ADGRV1: variants seen among roughly 807,000 people sequenced by gnomAD.
ADGRV1 encodes G-protein coupled receptor 98.
In ADGRV1, 359 loss-of-function variants were observed where a neutral mutation model predicts 596.2. That is an observed-to-expected ratio of 0.60 (90% CI 0.55 to 0.66). The LOEUF is 0.66. Ranked by LOEUF, ADGRV1 falls within the 30% of genes least tolerant of loss-of-function variation. The pLI is 0.00. For synonymous variants in ADGRV1, 2,681 were observed against 2,679.2 expected (o/e 1.00, Z -0.02); for missense variants, 7,274 against 7,575.6 (o/e 0.96, Z 1.48).
chr5:91,082,629 A>G (rs1409910508), intron 86 of ADGRV1, among the ~76,000 whole-genome samples: 1 of 152,196 alleles, frequency 6.6e-6, no homozygotes, highest in Non-Finnish European at 1.5e-5. Context: ...TAAGATTTGT[A>G]TTCAGAAATA....
At chr5:90,683,134 T>C (rs1745159937) in intron 27 of ADGRV1, among the ~76,000 whole-genome samples, 1 of 152,238 alleles carries the variant, frequency 6.6e-6, no homozygotes, top group Non-Finnish European at 1.5e-5. Flanking sequence ...AAAATAGTTA[T>C]AATTTAAATA....
intron 87 of ADGRV1, 51 bp downstream of exon 87, chr5:91,102,391 CA>C: frequency 1.3e-6 from 2 of 1,481,852 alleles, no homozygotes; most frequent in Non-Finnish European, 1.8e-6. Flanking sequence ...TTAATGAACA[CA>C]AGGCATAGAA....
At chr5:90,636,205 C>T (rs967064459) in intron 10 of ADGRV1, among the ~76,000 whole-genome samples, 1 of 146,228 alleles carries the variant, frequency 6.8e-6, no homozygotes, top group African/African-American at 2.5e-5. Context: ...TTAGGGATGG[C>T]TCTTCCTTCA....
At chr5:90,671,465 C>T (rs1772455276) in intron 21 of ADGRV1, among the ~76,000 whole-genome samples, 1 of 152,146 alleles carries the variant, frequency 6.6e-6, no homozygotes, top group Non-Finnish European at 1.5e-5. Flanking sequence ...GTACTCGATC[C>T]TCTTTACCAT....
chr5:90,886,578 A>G (rs1581420943), intron 83 of ADGRV1, among the ~76,000 whole-genome samples: 1 of 152,210 alleles, frequency 6.6e-6, no homozygotes. Flanking sequence ...CCATTTTTGT[A>G]TACTTCGTGA....
chr5:90,559,260 C>T (rs10069574), intron 1 of ADGRV1, among the ~76,000 whole-genome samples: 9,101 of 152,172 alleles, frequency 0.06, 798 homozygotes, highest in African/African-American at 0.2. Flanking sequence ...GAAACCGGAA[C>T]CCTACCTAGC....
chr5:91,121,848 A>G (rs1011735715), intron 87 of ADGRV1, among the ~76,000 whole-genome samples: 1 of 152,014 alleles, frequency 6.6e-6, no homozygotes, highest in African/African-American at 2.4e-5. Context: ...GAGTTGAGCA[A>G]CTCTAAAGCC....
In ADGRV1 at chr5:90,615,064, G is replaced by A. The variant is rs1468372290; in HGVS notation, c.207+45G>A. ...CTATTTTTACTGAAATAGATATGAC[G>A]TTTCTTAGTTTTAATGGCAAGGATT... On this transcript the variant is annotated intron_variant, in intron 2 of 89. Coordinates refer to ENST00000405460, the MANE Select transcript of ADGRV1 (RefSeq NM_032119.4). 14 of 1,215,440 alleles carry A rather than the reference G, an allele frequency of 1.2e-5. No homozygotes were observed. The South Asian group carries it at 2.1e-4, about 18-fold the overall frequency. 75.3% of individuals were successfully genotyped at this position (1,215,440 alleles called of 1,614,324 possible).
chr5:90,712,474 G>GTTC, intron 42 of ADGRV1, 46 bp downstream of exon 42: 1 of 1,418,594 alleles, frequency 7.0e-7, no homozygotes, highest in Non-Finnish European at 9.7e-7. Flanking sequence ...TTCATGCTGG[G>GTTC]TTCCTTAATA....
chr5:90,822,532 C>T (rs181683211), intron 75 of ADGRV1, among the ~76,000 whole-genome samples: 4 of 152,042 alleles, frequency 2.6e-5, no homozygotes, highest in African/African-American at 9.7e-5. Flanking sequence ...GTTACTGTAG[C>T]CTTGTAGTAT....
In ADGRV1 at chr5:90,778,280, G is replaced by T. The variant is rs3107223; in HGVS notation, c.12667-147G>T. On this transcript the variant is annotated intron_variant, in intron 62 of 89. Coordinates refer to ENST00000405460, the MANE Select transcript of ADGRV1 (RefSeq NM_032119.4). ...GAGAAGGTTAATGTAACAGCATTTGGTATTGTGGAGGTGCCTGTGTATGGG... is the reference window on the plus strand; with the variant it reads ...GAGAAGGTTAATGTAACAGCATTTGTTATTGTGGAGGTGCCTGTGTATGGG... The T allele has an allele frequency of 0.13, 96,728 of 755,360 alleles. 14,761 individuals carry two copies. Among genetic ancestry groups the T allele is most frequent in the African/African-American group, 0.6 (34,239 of 56,790 alleles). The allele number at this position is 755,360 out of a possible 1,614,324, so 46.8% of individuals were successfully genotyped here. A position where few individuals can be genotyped will look rare whatever the true frequency, so the allele number is the denominator to read the frequency against.
At chr5:91,163,384 T>C (rs937234303) in intron 89 of ADGRV1, among the ~76,000 whole-genome samples, 2 of 152,204 alleles carry the variant, frequency 1.3e-5, no homozygotes, top group African/African-American at 4.8e-5. Flanking sequence ...TCAGTGCATA[T>C]GAATTCGGGG....
intron 75 of ADGRV1, among the ~76,000 whole-genome samples, chr5:90,816,949 A>G (rs1762957317): frequency 6.6e-6 from 1 of 152,004 alleles, no homozygotes; most frequent in Non-Finnish European, 1.5e-5. Flanking sequence ...GCTGGGTCAA[A>G]TGGTATTTCT....
At chr5:90,733,380 AG>A (rs1449096597) in intron 50 of ADGRV1, among the ~76,000 whole-genome samples, 1 of 152,200 alleles carries the variant, frequency 6.6e-6, no homozygotes, top group Non-Finnish European at 1.5e-5. Context: ...AACTAGAATC[AG>A]AAAGAAATTG....
chr5:91,080,743 G>A (rs185771362), intron 86 of ADGRV1, among the ~76,000 whole-genome samples: 143 of 152,076 alleles, frequency 9.4e-4, no homozygotes, highest in Admixed American at 2.3e-3. Flanking sequence ...TGTAATGCAG[G>A]TGTAATAACA....
chr5:90,811,345 C>G lies in ADGRV1; in HGVS notation c.16078+7C>G. ...GCCATGGTTATTATTACAGGTATAT[C>G]TTTGAAATGATGGAGATAAAAATAT... is the stretch of plus-strand genomic sequence containing the variant. On this transcript the variant is annotated splice_region_variant and intron_variant, in intron 74 of 89. Coordinates refer to ENST00000405460, the MANE Select transcript of ADGRV1 (RefSeq NM_032119.4). The G allele has an allele frequency of 6.4e-7, 1 of 1,567,176 alleles. No individual in the cohort carries two copies.
chr5:90,973,128 T>C (rs1166373793), intron 84 of ADGRV1, among the ~76,000 whole-genome samples: 1 of 152,088 alleles, frequency 6.6e-6, no homozygotes, highest in African/African-American at 2.4e-5. Context: ...CCTGGACACA[T>C]ACCCCCTCCC....
In ADGRV1 at chr5:90,675,261, C is replaced by T. The variant is rs371189557; in HGVS notation, c.5129C>T (p.Thr1710Ile). The stretch of plus-strand genomic sequence containing the variant: ...CCACTAGGCTTGCTGCAGTTCTCCA[C>T]AGGGCTGCCTCCTCAGCCTAAGGAC... ...DHPYGLLQFS[T>I]GLPPQPKDAM... The change falls in exon 24 of 90, where the codon ACA becomes ATA. Residue 1710 changes from threonine to isoleucine, a missense_variant. Physicochemically the swap from Thr to Ile is moderately conservative, Grantham distance 89. Coordinates refer to ENST00000405460, the MANE Select transcript of ADGRV1 (RefSeq NM_032119.4). 9 of 1,613,256 alleles carry T rather than the reference C, an allele frequency of 5.6e-6. No individual in the cohort carries two copies. The highest frequency in any genetic ancestry group is 2.2e-5 in the East Asian group (1 of 44,890).
chr5:91,101,144 A>G (rs921331903), intron 86 of ADGRV1, among the ~76,000 whole-genome samples: 8 of 152,218 alleles, frequency 5.3e-5, no homozygotes, highest in African/African-American at 1.9e-4. Flanking sequence ...ATGTCTTTGT[A>G]GAAAATACAC....
Sources: allele counts gnomAD v4.1 joint callset (sites outside exome capture counted in the v4.1 genomes callset), GRCh38; gene constraint gnomAD v4.1.1; transcripts MANE v1.5; gene names NCBI Gene and HGNC (gene_info 2026-07-23, HGNC 2026-07-21).